Variants in IFT57 observed in about 807,000 individuals in gnomAD.
The protein encoded by IFT57 is intraflagellar transport protein 57 homolog.
A neutral mutation model predicts 56.8 loss-of-function variants in IFT57; 59 were observed. The ratio of observed to expected loss-of-function variants is 1.04; its 90% CI spans 0.84 to 1.29. The LOEUF (loss-of-function observed/expected upper bound fraction) is 1.29, where lower values mean the gene tolerates loss of function less well. Ranked by LOEUF, IFT57 falls within the 50% of genes most tolerant of loss-of-function variation. IFT57 has a pLI of 0.00. For synonymous variants in IFT57, 209 were observed against 186.1 expected (o/e 1.12, Z -1.00); for missense variants, 470 against 522.1 (o/e 0.90, Z 0.97).
rs9870801 is a variant in IFT57 at position 108,185,821 on chromosome 3, T to C, written c.777+5700A>G. 4.6e-3 allele frequency among the ~76,000 whole-genome samples: 698 copies of C among 152,252 alleles called. 3 individuals are homozygous for C. The highest frequency in any genetic ancestry group is 0.016 in the African/African-American group (669 of 41,560). On this transcript the variant is annotated intron_variant, in intron 6 of 10. Coordinates refer to ENST00000264538, the MANE Select transcript of IFT57 (RefSeq NM_018010.4). ...AGATAATCACCAGCTGCCAGTCTTT[T>C]AGTTGTGCAAGAAAAGGGCCTAGAC...
intron 6 of IFT57, among the ~76,000 whole-genome samples, chr3:108,171,881 G>A (rs1325628766): frequency 6.6e-6 from 1 of 151,738 alleles, no homozygotes; most frequent in Non-Finnish European, 1.5e-5. Flanking sequence ...TATTTACATT[G>A]CTTCCCTCTT....
intron 5 of IFT57, among the ~76,000 whole-genome samples, chr3:108,199,730 C>A (rs1418821834): frequency 2.6e-5 from 4 of 152,162 alleles, no homozygotes; most frequent in Non-Finnish European, 4.4e-5. Flanking sequence ...AAACAATAAT[C>A]CTCACGAATA....
chr3:108,189,941 G>A (rs114884226), intron 6 of IFT57, among the ~76,000 whole-genome samples: 3,728 of 152,286 alleles, frequency 0.024, 58 homozygotes, highest in Non-Finnish European at 0.038. Context: ...TTAAGTGGAA[G>A]TGGATCACTA....
intron 6 of IFT57, among the ~76,000 whole-genome samples, chr3:108,170,374 A>C (rs1198476215): frequency 6.6e-6 from 1 of 152,100 alleles, no homozygotes; most frequent in Non-Finnish European, 1.5e-5. Context: ...TAGAGAGCTA[A>C]ATCATGAGTG....
At position 108,219,428 on chromosome 3, in the gene IFT57, T is replaced by C. The variant is rs771155183; in HGVS notation, c.357A>G (p.Leu119=). The C allele has an allele frequency of 6.2e-7, 1 of 1,613,630 alleles. No homozygotes were observed. The highest frequency in any genetic ancestry group is 1.7e-5 in the Admixed American group (1 of 60,022). ...CACTTACAAATGACCGAAGCTCGGA[T>C]AGTATGTTAGATATTGTTGCATTAG... ...DDPNATISNI[L]SELRSFGRTA... Residue 119 remains leucine (L), a synonymous_variant, in exon 2 of 11, where the codon CTA becomes CTG. Coordinates refer to ENST00000264538, the MANE Select transcript of IFT57 (RefSeq NM_018010.4).
intron 1 of IFT57, chr3:108,221,895 A>C: frequency 1.0e-6 from 1 of 975,764 alleles, no homozygotes; most frequent in East Asian, 2.8e-5. Flanking sequence ...TGCCGTTCCA[A>C]AACTTATTTA....
chr3:108,163,568 T>G (rs947229252), intron 10 of IFT57, 95 bp downstream of exon 10: 2 of 772,362 alleles, frequency 2.6e-6, no homozygotes, highest in Non-Finnish European at 2.2e-6. Flanking sequence ...AACAAATAAT[T>G]TGTTTTATAT....
At chr3:108,210,629 GGCCAACCTTT>G (rs1479311762) in intron 4 of IFT57, among the ~76,000 whole-genome samples, 3 of 151,842 alleles carry the variant, frequency 2.0e-5, no homozygotes, top group African/African-American at 7.3e-5. Context: ...CACCACACCT[GGCCAACCTTT>G]ACCATCCTTG....
At chr3:108,221,999 G>C (rs1041575849) in intron 1 of IFT57, 112 bp downstream of exon 1, 3 of 1,496,262 alleles carry the variant, frequency 2.0e-6, no homozygotes, top group Admixed American at 2.2e-5. Context: ...TAGGAAGACG[G>C]AGGCAAGGAA....
At chr3:108,190,760 T>C (rs2080211001) in intron 6 of IFT57, among the ~76,000 whole-genome samples, 1 of 152,190 alleles carries the variant, frequency 6.6e-6, no homozygotes, top group African/African-American at 2.4e-5. Context: ...TCCCTAAATC[T>C]TATTAAATAT....
intron 1 of IFT57, 146 bp downstream of exon 1, chr3:108,221,965 T>C: frequency 6.9e-7 from 1 of 1,445,600 alleles, no homozygotes; most frequent in Non-Finnish European, 9.1e-7. Context: ...CCCGGGAGTT[T>C]GGGGTGAAGT....
intron 6 of IFT57, among the ~76,000 whole-genome samples, chr3:108,188,912 C>T (rs2080199409): frequency 6.6e-6 from 1 of 152,178 alleles, no homozygotes; most frequent in South Asian, 2.1e-4. Flanking sequence ...TGTCTGACTT[C>T]CAGAGTTTAC....
At chr3:108,214,100 C>A (rs376040100) in intron 3 of IFT57, 79 bp from the exon 4 acceptor site, 3 of 759,298 alleles carry the variant, frequency 4.0e-6, no homozygotes, top group Non-Finnish European at 6.5e-6. Flanking sequence ...AATATCATGT[C>A]CTCTATGCCA....
At chr3:108,205,088 G>A (rs1259899767) in intron 5 of IFT57, among the ~76,000 whole-genome samples, 1 of 152,008 alleles carries the variant, frequency 6.6e-6, no homozygotes, top group African/African-American at 2.4e-5. Context: ...AGTACCTTCT[G>A]TGTTACACTA....
intron 5 of IFT57, among the ~76,000 whole-genome samples, chr3:108,199,538 A>G (rs1220834898): frequency 6.6e-6 from 1 of 152,232 alleles, no homozygotes; most frequent in Non-Finnish European, 1.5e-5. Context: ...AAAAGAGTTA[A>G]GTACATTGTG....
rs149296442 is a variant in IFT57, at chr3:108,178,365, T to G, written c.778-10501A>C. On this transcript the variant is annotated intron_variant, in intron 6 of 10. Coordinates refer to ENST00000264538, the MANE Select transcript of IFT57 (RefSeq NM_018010.4). ...ACAGTCTGAGAATATCTTCATAATA[T>G]TGGGGTAAGCAAAGATTTCTTAAAA... 4.6e-3 allele frequency among the ~76,000 whole-genome samples: 696 copies of G among 152,026 alleles called. 3 individuals are homozygous for G. The highest frequency in any genetic ancestry group is 0.016 in the African/African-American group (667 of 41,518).
intron 6 of IFT57, among the ~76,000 whole-genome samples, chr3:108,189,316 G>A (rs1016490563): frequency 2.0e-5 from 3 of 152,174 alleles, no homozygotes; most frequent in Admixed American, 6.5e-5. Flanking sequence ...TAAGACCTCT[G>A]TTGCTCTCGC....
Position 108,219,404 on chromosome 3 carries a change from A to G in IFT57, c.375+6T>C. 6.2e-7 allele frequency: 1 copy of G among 1,610,654 alleles called. No homozygotes were observed. The highest frequency in any genetic ancestry group is 1.3e-5 in the African/African-American group (1 of 74,980). ...ACAAGGAAAAAGAAGGGTCGTTTAC[A>G]CTTACAAATGACCGAAGCTCGGATA... is the stretch of plus-strand genomic sequence containing the variant. On this transcript the variant is annotated splice_donor_region_variant and intron_variant, in intron 2 of 10. Transcript: ENST00000264538.
At chr3:108,209,072 G>A (rs1392070479) in intron 4 of IFT57, among the ~76,000 whole-genome samples, 1 of 152,162 alleles carries the variant, frequency 6.6e-6, no homozygotes, top group Non-Finnish European at 1.5e-5. Context: ...TACAGAATAG[G>A]TAGTGAAAGA....
Sources: gnomAD v4.1 joint callset for allele counts (sites outside exome capture counted in the v4.1 genomes callset) on GRCh38, gnomAD v4.1.1 for gene constraint, MANE v1.5 for transcripts, NCBI Gene and HGNC (gene_info 2026-07-23, HGNC 2026-07-21) for gene names.